Variants in YLPM1 observed in about 807,000 individuals in gnomAD.
YLPM1 encodes YLP motif-containing protein 1.
YLPM1 carries 99 observed loss-of-function variants against 230.0 expected under a neutral mutation model. The observed-to-expected ratio is 0.43, with a 90% CI of 0.37 to 0.51. The LOEUF is 0.51. YLPM1 is among the 20% of genes least tolerant of loss of function. The pLI is 0.00. For missense variants in YLPM1, 2,592 were observed against 2,707.7 expected (o/e 0.96, Z 0.95); for synonymous variants, 984 against 942.5 (o/e 1.04, Z -0.81).
At chr14:74,773,058 T>C (rs6574193) in intron 1 of YLPM1, among the ~76,000 whole-genome samples, 152,160 of 152,174 alleles carry the variant, frequency 1, 76,073 homozygotes, top group Middle Eastern at 1. Context: ...GAGGCTGAGG[T>C]GGGCGGATCA....
rs189147778 is a variant in YLPM1, at chr14:74,802,070, T to A, written c.4401-486T>A. 1.2e-3 allele frequency among the ~76,000 whole-genome samples: 185 copies of A among 151,192 alleles called. 1 individual carries two copies. Among genetic ancestry groups the A allele is most frequent in the African/African-American group, 4.4e-3 (183 of 41,124 alleles). ...TCTCTACTAAAAAAATACAAATAAT[T>A]AGCCGGGCGCGGTGGTGCATGCCTG... On this transcript the variant is annotated intron_variant, in intron 5 of 20. Transcript: ENST00000325680.
chr14:74,816,927 T>G lies in YLPM1; in HGVS notation c.5686-4T>G, dbSNP rs1366532499. ...AATTCCATATCTCTTTTGGGGGACC[T>G]TAGGTAATGGAATATGAATATGAAG... On this transcript the variant is annotated splice_polypyrimidine_tract_variant and splice_region_variant and intron_variant, in intron 13 of 20. Coordinates refer to ENST00000325680, the MANE Select transcript of YLPM1 (RefSeq NM_019589.3). The G allele has an allele frequency of 3.2e-6, 5 of 1,559,174 alleles. No homozygotes were observed. The highest frequency in any genetic ancestry group is 4.3e-6 in the Non-Finnish European group (5 of 1,158,452).
intron 16 of YLPM1, among the ~76,000 whole-genome samples, chr14:74,819,067 T>C (rs2091500859): frequency 6.6e-6 from 1 of 152,198 alleles, no homozygotes; most frequent in South Asian, 2.1e-4. Flanking sequence ...TAAGGTGATA[T>C]CCATCAAATT....
At chr14:74,815,290 G>A (rs1007090401) in intron 11 of YLPM1, among the ~76,000 whole-genome samples, 6 of 152,110 alleles carry the variant, frequency 3.9e-5, no homozygotes, top group East Asian at 1.9e-4. Flanking sequence ...AGTCAGGCGT[G>A]GTGGCTCATG....
intron 16 of YLPM1, among the ~76,000 whole-genome samples, chr14:74,820,495 G>GC (rs2091512504): frequency 6.6e-6 from 1 of 151,972 alleles, no homozygotes; most frequent in South Asian, 2.1e-4. Flanking sequence ...CGATCCTCCT[G>GC]CCCCAACCTC....
intron 11 of YLPM1, among the ~76,000 whole-genome samples, chr14:74,814,873 T>G (rs2884668): frequency 6.6e-6 from 1 of 151,988 alleles, no homozygotes; most frequent in Non-Finnish European, 1.5e-5. Flanking sequence ...TGTAGTTTTT[T>G]AAAATTATTG....
At chr14:74,810,786 G>C (rs1033123156) in intron 9 of YLPM1, among the ~76,000 whole-genome samples, 1 of 152,038 alleles carries the variant, frequency 6.6e-6, no homozygotes, top group South Asian at 2.1e-4. Flanking sequence ...AAAAGGGAAA[G>C]GGGGGCAAGC....
chr14:74,776,949 G>T (rs1328340924), intron 1 of YLPM1, among the ~76,000 whole-genome samples: 1 of 151,986 alleles, frequency 6.6e-6, no homozygotes, highest in African/African-American at 2.4e-5. Flanking sequence ...CCAGTTACTC[G>T]GGAGGTTGAA....
intron 1 of YLPM1, among the ~76,000 whole-genome samples, chr14:74,767,886 G>A (rs2090928984): frequency 6.6e-6 from 1 of 151,718 alleles, no homozygotes; most frequent in Admixed American, 6.6e-5. Flanking sequence ...CTTTTGGCAA[G>A]TGTTGCATTC....
chr14:74,819,649 A>G (rs1306373403), intron 16 of YLPM1, among the ~76,000 whole-genome samples: 1 of 151,836 alleles, frequency 6.6e-6, no homozygotes, highest in African/African-American at 2.4e-5. Flanking sequence ...TGCCACTACC[A>G]TTGTCTGGCA....
chr14:74,764,524 A>G (rs2090892193), intron 1 of YLPM1, among the ~76,000 whole-genome samples, 162 bp downstream of exon 1: 1 of 152,220 alleles, frequency 6.6e-6, no homozygotes, highest in African/African-American at 2.4e-5. Flanking sequence ...CAGCTTTTTA[A>G]TTAGCTAGAT....
chr14:74,799,606 G>A lies in YLPM1; in HGVS notation c.4309G>A (p.Asp1437Asn), dbSNP rs1594827547. 1 of 1,613,976 alleles carries A rather than the reference G, an allele frequency of 6.2e-7. No individual in the cohort carries two copies. ...SEMMGSDASL[D>N]SDQGLGGVMV... ...AATGATGGGGTCCGATGCAAGCTTA[G>A]ACTCTGACCAAGGCCTTGGAGGGGT... Residue 1437 changes from aspartate to asparagine, a missense_variant, in exon 5 of 21, where the codon GAC (aspartate) becomes AAC (asparagine). By Grantham distance (23) the Asp-to-Asn change is conservative. This residue lies in a region of YLPM1 where 1,862 missense variants were observed against 1,819.8 expected (regional missense o/e 1.02). Coordinates refer to ENST00000325680, the MANE Select transcript of YLPM1 (RefSeq NM_019589.3).
At position 74,809,709 on chromosome 14, in the gene YLPM1, T is replaced by G; in HGVS notation, c.4851T>G (p.Ile1617Met). ...VLPPPPVHSS[I>M]PPPGPVPMGM... ...CACCCCCACCTGTTCACTCTTCCAT[T>G]CCCCCTCCTGGCCCAGTGCCTATGG... The change falls in exon 7 of 21, where the codon ATT becomes ATG. Residue 1617 changes from isoleucine to methionine, a missense_variant. By Grantham distance (10) the Ile-to-Met change is conservative. Transcript: ENST00000325680. 6.2e-7 allele frequency: 1 copy of G among 1,613,914 alleles called. No individual in the cohort carries two copies. The highest frequency in any genetic ancestry group is 1.1e-5 in the South Asian group (1 of 91,078).
Position 74,806,462 on chromosome 14 carries a change from C to T in YLPM1, c.4522-2918C>T, listed in dbSNP as rs112101283. On this transcript the variant is annotated intron_variant, in intron 6 of 20. Transcript: ENST00000325680. The stretch of plus-strand genomic sequence containing the variant: ...TTAGCCAGGCACGCGCCAGGTGGTG[C>T]GCACCTGTAATCCCAGCTACTAGGG... 9.9e-4 allele frequency among the ~76,000 whole-genome samples: 150 copies of T among 151,788 alleles called. 1 individual carries two copies. The highest frequency in any genetic ancestry group is 3.0e-3 in the African/African-American group (126 of 41,350).
At chr14:74,823,262 G>T (rs74458965) in intron 17 of YLPM1, among the ~76,000 whole-genome samples, 150 of 152,194 alleles carry the variant, frequency 9.9e-4, no homozygotes, top group African/African-American at 3.4e-3. Context: ...CCCAACAGTA[G>T]AGAGATAGAT....
rs1172315645 is a variant in YLPM1 at position 74,829,266 on chromosome 14, A to G, written c.6217A>G (p.Ile2073Val). The G allele has an allele frequency of 6.2e-7, 1 of 1,613,332 alleles. No individual in the cohort carries two copies. ...GTKRKRDWEA[I>V]ASRMEDYLQL... is the part of the protein sequence containing the mutation. ...TAAAAGGAAACGTGACTGGGAGGCC[A>G]TTGCCAGCAGAATGGAGGATTATCT... The change falls in exon 19 of 21, where the codon ATT becomes GTT. Residue 2073 changes from isoleucine (I) to valine (V), a missense_variant. Coordinates refer to ENST00000325680, the MANE Select transcript of YLPM1 (RefSeq NM_019589.3).
intron 17 of YLPM1, among the ~76,000 whole-genome samples, chr14:74,823,033 C>A (rs1218867448): frequency 6.6e-6 from 1 of 151,978 alleles, no homozygotes; most frequent in Non-Finnish European, 1.5e-5. Flanking sequence ...TTGGTTTGTT[C>A]TAAAAAATGT....
At chr14:74,768,433 G>T (rs1469354220) in intron 1 of YLPM1, among the ~76,000 whole-genome samples, 1 of 152,092 alleles carries the variant, frequency 6.6e-6, no homozygotes, top group Non-Finnish European at 1.5e-5. Context: ...TTTTAATAGA[G>T]ATGGGGTTTC....
rs1394132613 is a variant in YLPM1, at chr14:74,818,250, C to G, written c.5966C>G (p.Thr1989Ser). 3.7e-6 allele frequency: 6 copies of G among 1,603,312 alleles called. No individual in the cohort carries two copies. The highest frequency in any genetic ancestry group is 8.5e-7 in the Non-Finnish European group (1 of 1,175,206). ...CAATAGATGGCTGATCACTGGGAAA[C>G]TGCACCTCGTCACATGATGCGTCTA... is the stretch of plus-strand genomic sequence containing the variant. ...EINKMADHWE[T>S]APRHMMRLDI... Residue 1989 changes from threonine to serine, a missense_variant, in exon 16 of 21, where the codon ACT (threonine) becomes AGT (serine). Around this residue, in one of 4 missense-constraint regions of YLPM1, gnomAD observed 315 missense variants for 429.3 expected, o/e 0.73. Coordinates refer to ENST00000325680, the MANE Select transcript of YLPM1 (RefSeq NM_019589.3).
Sources: allele counts gnomAD v4.1 joint callset (sites outside exome capture counted in the v4.1 genomes callset), GRCh38; gene constraint gnomAD v4.1.1; regional missense constraint gnomAD v4.1.1; transcripts MANE v1.5; gene names NCBI Gene and HGNC (gene_info 2026-07-23, HGNC 2026-07-21).